The following TMPRSS11F variants were observed in gnomAD, a reference collection of about 807,000 sequenced individuals.
TMPRSS11F encodes transmembrane serine protease 11F.
A neutral mutation model predicts 60.2 loss-of-function variants in TMPRSS11F; 47 were observed. That is an observed-to-expected ratio of 0.78 (90% confidence interval 0.62 to 1.00). TMPRSS11F has a LOEUF of 1.00. Ranked by LOEUF, TMPRSS11F falls within the 50% of genes least tolerant of loss-of-function variation. The pLI is 0.00. For missense variants in TMPRSS11F, 519 were observed against 522.9 expected (o/e 0.99, Z 0.07); for synonymous variants, 166 against 167.3 (o/e 0.99, Z 0.06).
intron 2 of TMPRSS11F, among the ~76,000 whole-genome samples, chr4:68,091,767 C>T (rs1017341880): frequency 5.7e-5 from 3 of 52,562 alleles, no homozygotes; most frequent in Non-Finnish European, 1.2e-4. Context: ...CTCTCTCTCT[C>T]TCTCTCTCTC....
Position 68,065,404 on chromosome 4 carries a change from G to T in TMPRSS11F, c.756-460C>A, listed in dbSNP as rs1398482793. On this transcript the variant is annotated intron_variant, in intron 7 of 9. Transcript: ENST00000356291. ...TTGCAAACCTTCATGTATACACATGGTTTTTTCTCTACCCTACGCCCATAT... is the reference window on the plus strand; with the variant it reads ...TTGCAAACCTTCATGTATACACATGTTTTTTTCTCTACCCTACGCCCATAT... 3.3e-5 allele frequency among the ~76,000 whole-genome samples: 5 copies of T among 152,136 alleles called. No individual in the cohort carries two copies. In the East Asian group the frequency reaches 9.6e-4, roughly 29 times the overall value.
At chr4:68,087,877 AC>A (rs1262793730) in intron 3 of TMPRSS11F, among the ~76,000 whole-genome samples, 1 of 73,272 alleles carries the variant, frequency 1.4e-5, no homozygotes, top group Non-Finnish European at 2.4e-5. Flanking sequence ...CCCTCCCCCC[AC>A]CCCACAACAG....
In TMPRSS11F at chr4:68,114,577, T is replaced by C. The variant is rs1004125915; in HGVS notation, c.11+15233A>G. ...TAATAACATCAATTTAAACAGATTCTGCCAGAAAACAACAGATTCTGCCAG... is the reference window on the plus strand; with the variant it reads ...TAATAACATCAATTTAAACAGATTCCGCCAGAAAACAACAGATTCTGCCAG... On this transcript the variant is annotated intron_variant, in intron 1 of 9. Coordinates refer to ENST00000356291, the MANE Select transcript of TMPRSS11F (RefSeq NM_207407.2). Among the ~76,000 whole-genome samples, 5 of 152,062 alleles carry C rather than the reference T, an allele frequency of 3.3e-5. No homozygotes were observed. In the East Asian group the frequency reaches 5.8e-4, roughly 18 times the overall value.
chr4:68,086,801 T>A (rs904877913), intron 3 of TMPRSS11F, among the ~76,000 whole-genome samples: 1 of 151,986 alleles, frequency 6.6e-6, no homozygotes, highest in African/African-American at 2.4e-5. Context: ...TGGTAACATA[T>A]AACCTCCATG....
chr4:68,057,388 T>C (rs954601990), intron 9 of TMPRSS11F, among the ~76,000 whole-genome samples: 1 of 151,558 alleles, frequency 6.6e-6, no homozygotes, highest in Non-Finnish European at 1.5e-5. Flanking sequence ...ACTTAAGACT[T>C]GAAACTATAA....
At chr4:68,087,154 C>T (rs543079174) in intron 3 of TMPRSS11F, among the ~76,000 whole-genome samples, 31 of 152,172 alleles carry the variant, frequency 2.0e-4, no homozygotes, top group Non-Finnish European at 2.9e-4. Flanking sequence ...TCTAGCTGCA[C>T]GAAAAGTTAA....
chr4:68,104,959 G>GTTT (rs36174695), intron 1 of TMPRSS11F, among the ~76,000 whole-genome samples: 1 of 139,950 alleles, frequency 7.1e-6, no homozygotes, highest in African/African-American at 2.6e-5. Flanking sequence ...TTGCTTGTAG[G>GTTT]TTTTTTTTTT....
chr4:68,058,325 T>C (rs1723087788), intron 9 of TMPRSS11F, among the ~76,000 whole-genome samples: 1 of 152,222 alleles, frequency 6.6e-6, no homozygotes, highest in South Asian at 2.1e-4. Context: ...TGTCACATTG[T>C]ACTCCATAGA....
At chr4:68,055,878 T>C (rs1327305976) in intron 9 of TMPRSS11F, among the ~76,000 whole-genome samples, 1 of 152,196 alleles carries the variant, frequency 6.6e-6, no homozygotes, top group Admixed American at 6.5e-5. Flanking sequence ...ATCCCTCAGA[T>C]GCAAGAATGG....
At chr4:68,086,551 C>A (rs539296395) in intron 3 of TMPRSS11F, among the ~76,000 whole-genome samples, 2 of 151,858 alleles carry the variant, frequency 1.3e-5, no homozygotes, top group Admixed American at 1.3e-4. Context: ...AATTGAGACA[C>A]AAAAATCTGT....
intron 1 of TMPRSS11F, among the ~76,000 whole-genome samples, chr4:68,109,221 G>A (rs1724360374): frequency 6.6e-6 from 1 of 152,060 alleles, no homozygotes; most frequent in Admixed American, 6.6e-5. Flanking sequence ...TCTAGGTGCT[G>A]GGTATTCTCT....
At chr4:68,110,100 G>A (rs978989909) in intron 1 of TMPRSS11F, among the ~76,000 whole-genome samples, 7 of 152,062 alleles carry the variant, frequency 4.6e-5, no homozygotes, top group African/African-American at 1.4e-4. Flanking sequence ...TAGATATTCC[G>A]TTTGGGCACA....
intron 8 of TMPRSS11F, among the ~76,000 whole-genome samples, chr4:68,060,574 T>A (rs1304133178): frequency 7.3e-6 from 1 of 136,976 alleles, no homozygotes; most frequent in African/African-American, 2.7e-5. Flanking sequence ...TTTCAGGATA[T>A]CCTTGACAGA....
intron 1 of TMPRSS11F, among the ~76,000 whole-genome samples, chr4:68,111,154 C>G (rs1724403479): frequency 6.6e-6 from 1 of 152,070 alleles, no homozygotes; most frequent in African/African-American, 2.4e-5. Context: ...TAGGTATAGT[C>G]CCTTTTTTAT....
chr4:68,092,437 T>A (rs987629985), intron 2 of TMPRSS11F, among the ~76,000 whole-genome samples: 1 of 152,142 alleles, frequency 6.6e-6, no homozygotes, highest in Admixed American at 6.6e-5. Context: ...CTTACTTCTT[T>A]AAAAAAATAC....
At chr4:68,058,072 G>A (rs1723083778) in intron 9 of TMPRSS11F, among the ~76,000 whole-genome samples, 1 of 152,176 alleles carries the variant, frequency 6.6e-6, no homozygotes, top group Non-Finnish European at 1.5e-5. Context: ...GGTGAGCCTA[G>A]GCGGGTGGAG....
chr4:68,062,547 G>A (rs1171404470), intron 8 of TMPRSS11F: 3 of 777,244 alleles, frequency 3.9e-6, no homozygotes, highest in African/African-American at 3.4e-5. Flanking sequence ...TGTATTCATC[G>A]TGACTCTAGC....
At chr4:68,055,248 T>C (rs544870385) in intron 9 of TMPRSS11F, among the ~76,000 whole-genome samples, 1 of 152,318 alleles carries the variant, frequency 6.6e-6, no homozygotes, top group South Asian at 2.1e-4. Context: ...GTTTGTATCT[T>C]AAGACTAAAG....
chr4:68,098,166 G>A (rs1325294351), intron 2 of TMPRSS11F, among the ~76,000 whole-genome samples: 2 of 152,070 alleles, frequency 1.3e-5, no homozygotes, highest in Non-Finnish European at 2.9e-5. Flanking sequence ...TTAACCGAGT[G>A]TAGTGGCAGG....
Sources: allele counts gnomAD v4.1 joint callset (sites outside exome capture counted in the v4.1 genomes callset), GRCh38; gene constraint gnomAD v4.1.1; transcripts MANE v1.5; gene names NCBI Gene and HGNC (gene_info 2026-07-23, HGNC 2026-07-21).